Variants in RABL2A observed in about 807,000 individuals in gnomAD.
The protein encoded by RABL2A is RAB, member of RAS oncogene family like 2A.
RABL2A carries 17 observed loss-of-function variants against 30.7 expected under a neutral mutation model. That is an observed-to-expected ratio of 0.55 (90% CI 0.38 to 0.83). The LOEUF (loss-of-function observed/expected upper bound fraction) is 0.83, where lower values mean the gene tolerates loss of function less well. Among genes scored for constraint, RABL2A ranks in the 40% least tolerant of loss-of-function variants. RABL2A has a pLI of 0.00. For missense variants in RABL2A, 155 were observed against 272.6 expected (o/e 0.57, Z 3.04); for synonymous variants, 64 against 101.8 (o/e 0.63, Z 2.24).
chr2:113,637,712 C>T (rs1452743827), intron 5 of RABL2A: 1 of 1,272,206 alleles, frequency 7.9e-7, no homozygotes, highest in Admixed American at 2.5e-5. Flanking sequence ...GAAGTCTGAC[C>T]CTCAAGAGCA....
At chr2:113,640,104 G>C (rs1181207102) in intron 5 of RABL2A, 1 of 151,898 alleles carries the variant, frequency 6.6e-6, no homozygotes, top group Non-Finnish European at 1.5e-5. Flanking sequence ...CTGTGATTGA[G>C]CCACTGCATT....
chr2:113,634,711 G>A (rs1025646643), intron 4 of RABL2A: 9 of 438,522 alleles, frequency 2.1e-5, no homozygotes, highest in African/African-American at 8.0e-5. Context: ...GTCATCGCAC[G>A]TGAGAAGTTG....
At chr2:113,638,164 A>G (rs894167247) in intron 5 of RABL2A, 2 of 985,450 alleles carry the variant, frequency 2.0e-6, no homozygotes, top group Non-Finnish European at 2.4e-6. Context: ...AGTTACAGAC[A>G]TCCTTTATAA....
chr2:113,635,044 A>G lies in RABL2A; in HGVS notation c.218-7A>G, dbSNP rs1194872936. 2 of 1,614,118 alleles carry G rather than the reference A, an allele frequency of 1.2e-6. No homozygotes were observed. Among genetic ancestry groups the G allele is most frequent in the South Asian group, 2.2e-5 (2 of 91,062 alleles). ...GGCATGTAGGTCTGTCTGTGTTCACATTGCAGACTTTTGGGACACGGCAGG... is the reference window on the plus strand; with the variant it reads ...GGCATGTAGGTCTGTCTGTGTTCACGTTGCAGACTTTTGGGACACGGCAGG... On this transcript the variant is annotated splice_region_variant and splice_polypyrimidine_tract_variant and intron_variant, in intron 4 of 8. Coordinates refer to ENST00000683472, the MANE Select transcript of RABL2A (RefSeq NM_001306158.2).
Position 113,643,338 on chromosome 2 carries a change from A to G in RABL2A, c.*1209A>G. ...GGCATTGTTTGCATTGTGTTTATTA[A>G]TAGGGTTTTGTTTTTATTGTTTCCT... On this transcript the variant is annotated 3_prime_UTR_variant, in exon 9 of 9. Transcript: ENST00000683472. 1 of 345,592 alleles carries G rather than the reference A, an allele frequency of 2.9e-6. No homozygotes were observed. Among genetic ancestry groups the G allele is most frequent in the South Asian group, 2.2e-5 (1 of 45,772 alleles). 21.4% of individuals were successfully genotyped at this position (345,592 alleles called of 1,614,324 possible).
At chr2:113,629,067 G>C (rs1254271142) in intron 2 of RABL2A, among the ~76,000 whole-genome samples, 1 of 151,238 alleles carries the variant, frequency 6.6e-6, no homozygotes, top group Non-Finnish European at 1.5e-5. Context: ...GGGTAAAGGT[G>C]GTAAAGATGC....
chr2:113,641,390 C>T lies in RABL2A; in HGVS notation c.447C>T (p.Ala149=), dbSNP rs756196687. The part of the protein sequence containing the change: ...INVTQKSFNF[A]KKFSLPLYFV... ...TGACCCAAAAAAGCTTCAATTTTGCCAAGAAGTTCTCCCTGCCCCTGTATT... is the reference window on the plus strand; with the variant it reads ...TGACCCAAAAAAGCTTCAATTTTGCTAAGAAGTTCTCCCTGCCCCTGTATT... The change falls in exon 7 of 9, where the codon GCC becomes GCT. Residue 149 remains alanine, a synonymous_variant. Coordinates refer to ENST00000683472, the MANE Select transcript of RABL2A (RefSeq NM_001306158.2). The T allele has an allele frequency of 2.5e-6, 4 of 1,612,618 alleles. No homozygotes were observed. Among genetic ancestry groups the T allele is most frequent in the South Asian group, 1.1e-5 (1 of 91,002 alleles).
intron 3 of RABL2A, 141 bp downstream of exon 3, chr2:113,633,085 C>G (rs1378797222): frequency 7.4e-7 from 1 of 1,353,530 alleles, no homozygotes; most frequent in East Asian, 2.3e-5. Context: ...AGGTTTTGTT[C>G]TGCACTTGTT....
chr2:113,638,125 G>T, intron 5 of RABL2A: 7 of 985,452 alleles, frequency 7.1e-6, no homozygotes, highest in Non-Finnish European at 7.2e-6. Context: ...AGTCATCTGA[G>T]CCTGGTGTGA....
Position 113,640,859 on chromosome 2 carries a change from T to C in RABL2A, c.298-35T>C, listed in dbSNP as rs563991598. The C allele has an allele frequency of 1.6e-5, 26 of 1,613,438 alleles. No homozygotes were observed. In the South Asian group the frequency reaches 2.7e-4, roughly 17 times the overall value. ...GAGATGGGGTGCAGAAACATTGACA[T>C]ACCTGAGCTATCTTTCTTCCTCTGC... On this transcript the variant is annotated intron_variant, in intron 5 of 8. Transcript: ENST00000683472.
At position 113,642,887 on chromosome 2, in the gene RABL2A, A is replaced by G. The variant is rs1432343465; in HGVS notation, c.*758A>G. On this transcript the variant is annotated 3_prime_UTR_variant, in exon 9 of 9. Coordinates refer to ENST00000683472, the MANE Select transcript of RABL2A (RefSeq NM_001306158.2). Reference sequence around the variant, plus strand: ...GTGATCCGCCCGCCTCGGCCTCCCAAAGTGCTGGGATTACAGGCATGAGCC... The same window carrying G: ...GTGATCCGCCCGCCTCGGCCTCCCAGAGTGCTGGGATTACAGGCATGAGCC... 3.5e-6 allele frequency: 1 copy of G among 283,182 alleles called. No homozygotes were observed. Among genetic ancestry groups the G allele is most frequent in the East Asian group, 1.4e-4 (1 of 7,106 alleles). 17.5% of individuals were successfully genotyped at this position (283,182 alleles called of 1,614,324 possible).
At chr2:113,628,227 T>A in intron 1 of RABL2A, 1 of 249,142 alleles carries the variant, frequency 4.0e-6, no homozygotes, top group Non-Finnish European at 7.3e-6. Context: ...CTCAGGAATG[T>A]CTGCAAAGTC....
At chr2:113,637,118 G>C (rs565417329) in intron 5 of RABL2A, among the ~76,000 whole-genome samples, 105 of 152,266 alleles carry the variant, frequency 6.9e-4, no homozygotes, top group Non-Finnish European at 1.2e-3. Flanking sequence ...TTGGCACTGA[G>C]AGAGATGCAT....
intron 5 of RABL2A, chr2:113,638,396 G>C: frequency 1.0e-6 from 1 of 985,416 alleles, no homozygotes; most frequent in South Asian, 4.7e-5. Context: ...TTACAGGGTG[G>C]TGGTTGTCTG....
At chr2:113,639,911 T>C (rs181195669) in intron 5 of RABL2A, 2 of 151,148 alleles carry the variant, frequency 1.3e-5, no homozygotes, top group South Asian at 4.2e-4. Context: ...CCCAGCACCT[T>C]TAGAGGCCCA....
intron 2 of RABL2A, among the ~76,000 whole-genome samples, chr2:113,630,907 T>G (rs1446204742): frequency 2.7e-4 from 40 of 149,976 alleles, no homozygotes; most frequent in Non-Finnish European, 4.8e-4. Context: ...GTTTTTTTGG[T>G]TTTTTTTTGA....
At chr2:113,637,705 G>C in intron 5 of RABL2A, 2 of 1,279,342 alleles carry the variant, frequency 1.6e-6, no homozygotes, top group South Asian at 1.3e-5. Flanking sequence ...TAGTGCAGAA[G>C]TCTGACCCTC....
chr2:113,636,582 C>G (rs1467208125), intron 5 of RABL2A, among the ~76,000 whole-genome samples: 1 of 152,048 alleles, frequency 6.6e-6, no homozygotes, highest in Non-Finnish European at 1.5e-5. Context: ...TCTCTCTGTC[C>G]ATAGTCACAG....
At chr2:113,641,237 A>G (rs1303854866) in intron 6 of RABL2A, 116 bp from the exon 7 acceptor site, 1 of 1,540,044 alleles carries the variant, frequency 6.5e-7, no homozygotes, top group Non-Finnish European at 8.9e-7. Context: ...TTTCTAGGAC[A>G]TGTTTCCCAA....
Sources: allele counts gnomAD v4.1 joint callset (sites outside exome capture counted in the v4.1 genomes callset), GRCh38; gene constraint gnomAD v4.1.1; transcripts MANE v1.5; gene names NCBI Gene and HGNC (gene_info 2026-07-23, HGNC 2026-07-21).